Variants in TOGARAM2 observed in about 807,000 individuals in gnomAD.
TOGARAM2 encodes the protein TOG array regulator of axonemal microtubules 2.
Under a neutral mutation model 93.3 loss-of-function variants are expected in TOGARAM2, and 85 were observed. That is an observed-to-expected ratio of 0.91 (90% CI 0.76 to 1.09). TOGARAM2 has a LOEUF of 1.09. TOGARAM2 is among the 50% of genes least tolerant of loss of function. The pLI is 0.00. For missense variants in TOGARAM2, 1,277 were observed against 1,334.5 expected (o/e 0.96, Z 0.67); for synonymous variants, 593 against 552.8 (o/e 1.07, Z -1.02).
At position 29,045,392 on chromosome 2, in the gene TOGARAM2, G is replaced by A; in HGVS notation, c.2704G>A (p.Val902Ile). The change falls in exon 19 of 20, where the codon GTC becomes ATC. Residue 902 changes from valine to isoleucine, a missense_variant. Transcript: ENST00000379558. ...CCTGAGTGGCCGTGCGGTGCTGGATGTCACAGATCGCCTGGCAGGTGAGCA... is the reference window on the plus strand; with the variant it reads ...CCTGAGTGGCCGTGCGGTGCTGGATATCACAGATCGCCTGGCAGGTGAGCA... ...RFLSGRAVLD[V>I]TDRLAVLVAS... is the part of the protein sequence containing the mutation. 3 of 1,613,506 alleles carry A rather than the reference G, an allele frequency of 1.9e-6. No individual in the cohort carries two copies. Among genetic ancestry groups the A allele is most frequent in the Non-Finnish European group, 2.5e-6 (3 of 1,179,866 alleles).
In TOGARAM2 at chr2:29,051,887, G is replaced by A. The variant is rs961224508; in HGVS notation, c.2854G>A (p.Val952Met). The stretch of plus-strand genomic sequence containing the variant: ...TGGACCCAGCGGGAACATCCGCGGG[G>A]TGGTGTGCCGGCTGTCCAGGAGCCT... Reference protein sequence around the residue: ...LPGPSGNIRGVVCRLSRSLQE... With the variant: ...LPGPSGNIRGMVCRLSRSLQE... Residue 952 changes from valine to methionine, a missense_variant, in exon 20 of 20, where the codon GTG becomes ATG. Val to Met is a conservative substitution (Grantham distance 21). Transcript: ENST00000379558. 6.3e-7 allele frequency: 1 copy of A among 1,578,094 alleles called. No homozygotes were observed. The highest frequency in any genetic ancestry group is 8.6e-7 in the Non-Finnish European group (1 of 1,162,174).
intron 18 of TOGARAM2, among the ~76,000 whole-genome samples, chr2:29,040,764 C>T (rs750069600): frequency 2.0e-5 from 3 of 152,194 alleles, no homozygotes; most frequent in Non-Finnish European, 2.9e-5. Context: ...GCCCAGCCCT[C>T]CGCCACTGCG....
At chr2:29,000,559 G>T (rs1167494914) in intron 4 of TOGARAM2, among the ~76,000 whole-genome samples, 1 of 152,068 alleles carries the variant, frequency 6.6e-6, no homozygotes, top group Admixed American at 6.5e-5. Context: ...GAATCATACG[G>T]GCTCTTTTCA....
At chr2:29,040,699 T>G (rs1267684207) in intron 18 of TOGARAM2, among the ~76,000 whole-genome samples, 1 of 152,206 alleles carries the variant, frequency 6.6e-6, no homozygotes, top group African/African-American at 2.4e-5. Flanking sequence ...TGGAAGGTGT[T>G]AAGTGAAAGT....
chr2:29,031,911 A>G (rs1665786228), intron 14 of TOGARAM2, among the ~76,000 whole-genome samples: 1 of 152,192 alleles, frequency 6.6e-6, no homozygotes, highest in East Asian at 1.9e-4. Context: ...AAGATTTTAG[A>G]TGCTTCCTGC....
intron 6 of TOGARAM2, among the ~76,000 whole-genome samples, chr2:29,009,463 C>G (rs151154288): frequency 1.8e-4 from 12 of 65,804 alleles, no homozygotes; most frequent in Non-Finnish European, 3.1e-4. Flanking sequence ...TGCAGGAATC[C>G]GGGGAGAAGG....
rs200766472 is a variant in TOGARAM2 at position 28,999,252 on chromosome 2, C to G, written c.211C>G (p.Gln71Glu). Residue 71 changes from glutamine to glutamate, a missense_variant, in exon 4 of 20, where the codon CAG becomes GAG. Transcript: ENST00000379558. ...GTCACAGCTCCTGCGTGGACTCGGACAGCTGGGTGGCCTCAAGCTGGACAC... is the reference window on the plus strand; with the variant it reads ...GTCACAGCTCCTGCGTGGACTCGGAGAGCTGGGTGGCCTCAAGCTGGACAC... ...EPSQLLRGLG[Q>E]LGGLKLDTPS... is the part of the protein sequence containing the mutation. 2 of 1,613,930 alleles carry G rather than the reference C, an allele frequency of 1.2e-6. No individual in the cohort carries two copies. The highest frequency in any genetic ancestry group is 1.7e-5 in the Admixed American group (1 of 60,004).
intron 1 of TOGARAM2, among the ~76,000 whole-genome samples, chr2:28,959,136 A>C (rs1168080126): frequency 6.6e-6 from 1 of 151,718 alleles, no homozygotes; most frequent in Non-Finnish European, 1.5e-5. Flanking sequence ...ACCTGACCAA[A>C]CTCCCCACCG....
chr2:29,022,445 G>C (rs994175988), intron 11 of TOGARAM2, 137 bp downstream of exon 11: 1 of 1,196,984 alleles, frequency 8.4e-7, no homozygotes, highest in African/African-American at 1.6e-5. Context: ...AGTTTGGAGG[G>C]AGGACTGTGC....
chr2:28,998,286 C>T, intron 3 of TOGARAM2, 33 bp downstream of exon 3: 1 of 1,512,606 alleles, frequency 6.6e-7, no homozygotes, highest in Non-Finnish European at 9.0e-7. Context: ...GGTCAGGGCC[C>T]CTGGCCTCAT....
rs1232371172 is a variant in TOGARAM2, at chr2:28,998,065, G to T, written c.29-78G>T. 15 of 1,013,200 alleles carry T rather than the reference G, an allele frequency of 1.5e-5. No homozygotes were observed. In the East Asian group the frequency reaches 3.9e-4, roughly 26 times the overall value. The allele number at this position is 1,013,200 out of a possible 1,614,324, so 62.8% of individuals were successfully genotyped here. On this transcript the variant is annotated intron_variant, in intron 2 of 19. Transcript: ENST00000379558. ...GCGGGGTGGAGTGCTCAGGGTTACG[G>T]CCGGGTGTTCTTGGTTTGCTCCCAG...
At chr2:29,016,207 G>T (rs575765014) in intron 8 of TOGARAM2, among the ~76,000 whole-genome samples, 1 of 151,956 alleles carries the variant, frequency 6.6e-6, no homozygotes, top group Admixed American at 6.6e-5. Context: ...CTCTCGCCCC[G>T]CACCTCATAT....
At chr2:29,013,125 C>T (rs1664350787) in intron 7 of TOGARAM2, among the ~76,000 whole-genome samples, 1 of 152,252 alleles carries the variant, frequency 6.6e-6, no homozygotes, top group Non-Finnish European at 1.5e-5. Flanking sequence ...CAGTGAGCTC[C>T]AAACCCTGTG....
At chr2:29,023,854 G>T (rs565028711) in intron 12 of TOGARAM2, among the ~76,000 whole-genome samples, 9 of 152,336 alleles carry the variant, frequency 5.9e-5, no homozygotes, top group African/African-American at 1.9e-4. Context: ...TTCTCACTTG[G>T]TAGTTGCAAA....
At chr2:29,009,937 A>C (rs1459841998) in intron 6 of TOGARAM2, among the ~76,000 whole-genome samples, 1 of 152,030 alleles carries the variant, frequency 6.6e-6, no homozygotes, top group Non-Finnish European at 1.5e-5. Flanking sequence ...TGGGGTCGCT[A>C]GAGAAGGGGA....
chr2:29,025,857 G>T (rs896705409), intron 13 of TOGARAM2, among the ~76,000 whole-genome samples: 1 of 152,192 alleles, frequency 6.6e-6, no homozygotes, highest in Admixed American at 6.5e-5. Context: ...CAGCAAACAT[G>T]CATTAAGCTC....
Position 29,024,299 on chromosome 2 carries a change from G to T in TOGARAM2, c.1778G>T (p.Gly593Val), listed in dbSNP as rs780327017. Residue 593 changes from glycine (G) to valine (V), a missense_variant, in exon 13 of 20, where the codon GGC becomes GTC. Coordinates refer to ENST00000379558, the MANE Select transcript of TOGARAM2 (RefSeq NM_199280.4). ...AACGAGTTCATCCAGAGAGCAGCCG[G>T]CCAGTCTCTGAGGGCTATGGTGGAG... ...DTNEFIQRAAGQSLRAMVENV... is the reference protein window; with the variant it reads ...DTNEFIQRAAVQSLRAMVENV... 1 of 1,613,342 alleles carries T rather than the reference G, an allele frequency of 6.2e-7. No individual in the cohort carries two copies.
rs1394077923 is a variant in TOGARAM2 at position 28,968,838 on chromosome 2, AAAC to A, written c.-147+12144_-147+12146del. ...GTCAAAAAAAAAAAAAAAAAAAAAAAAACAAGGAAAAAGAAAAAAGCGCATGCC... is the reference window on the plus strand; with the variant it reads ...GTCAAAAAAAAAAAAAAAAAAAAAAAAAGGAAAAAGAAAAAAGCGCATGCC... On this transcript the variant is annotated intron_variant, in intron 1 of 6. Coordinates refer to the TOGARAM2 transcript ENST00000401723. Among the ~76,000 whole-genome samples, 408 of 126,424 alleles carry A rather than the reference AAAC, an allele frequency of 3.2e-3. 10 individuals carry two copies. The highest frequency in any genetic ancestry group is 4.7e-3 in the Non-Finnish European group (267 of 57,116). 82.9% of individuals were successfully genotyped at this position (126,424 alleles called of 152,430 possible).
Position 29,003,632 on chromosome 2 carries a change from G to A in TOGARAM2, c.780G>A (p.Pro260=), listed in dbSNP as rs12613325. The A allele has an allele frequency of 0.75, 1,194,474 of 1,587,480 alleles. 457,237 individuals are homozygous for A. Among genetic ancestry groups the A allele is most frequent in the Non-Finnish European group, 0.79 (922,884 of 1,167,858 alleles). ...PSRVPGSLPS[P]LPPGQGVLTG... Reference sequence around the variant, plus strand: ...GTGTGCCTGGCTCCCTTCCCAGCCCGTTACCTCCAGGCCAGGGAGTCCTCA... The same window carrying A: ...GTGTGCCTGGCTCCCTTCCCAGCCCATTACCTCCAGGCCAGGGAGTCCTCA... The change falls in exon 6 of 20, where the codon CCG becomes CCA. Residue 260 remains proline, a synonymous_variant. Coordinates refer to ENST00000379558, the MANE Select transcript of TOGARAM2 (RefSeq NM_199280.4).
Sources: gnomAD v4.1 joint callset for allele counts (sites outside exome capture counted in the v4.1 genomes callset) on GRCh38, gnomAD v4.1.1 for gene constraint, MANE v1.5 for transcripts, NCBI Gene and HGNC (gene_info 2026-07-23, HGNC 2026-07-21) for gene names.